DNAH5: variants seen among roughly 807,000 people sequenced by gnomAD.
DNAH5 encodes dynein axonemal heavy chain 5.
In DNAH5, 372 loss-of-function variants were observed where a neutral mutation model predicts 518.2. That is an observed-to-expected ratio of 0.72 (90% CI 0.66 to 0.78). DNAH5 has a LOEUF of 0.78. Ranked by LOEUF, DNAH5 falls within the 30% of genes least tolerant of loss-of-function variation. DNAH5 has a pLI of 0.00. For synonymous variants in DNAH5, 2,039 were observed against 2,025.9 expected, an observed-to-expected ratio of 1.01 and a Z score of -0.17; for missense variants, 5,523 against 5,687.0, an observed-to-expected ratio of 0.97 and a Z score of 0.93.
chr5:13,830,830 T>G, intron 35 of DNAH5, 55 bp from the exon 36 acceptor site: 1 of 1,571,322 alleles, frequency 6.4e-7, no homozygotes, highest in Non-Finnish European at 8.8e-7. Context: ...GAAATACTTC[T>G]GAGACATCAC....
intron 1 of DNAH5, among the ~76,000 whole-genome samples, chr5:13,975,794 C>T (rs1782197304): frequency 6.6e-6 from 1 of 152,186 alleles, no homozygotes; most frequent in Non-Finnish European, 1.5e-5. Flanking sequence ...ATTTCCCAGA[C>T]TCCTGTGCAG....
At position 13,751,167 on chromosome 5, in the gene DNAH5, T is replaced by C. The variant is rs1365013371; in HGVS notation, c.11122A>G (p.Ser3708Gly). 1 of 1,614,002 alleles carries C rather than the reference T, an allele frequency of 6.2e-7. No homozygotes were observed. The highest frequency in any genetic ancestry group is 1.1e-5 in the South Asian group (1 of 91,076). The stretch of plus-strand genomic sequence containing the variant: ...AAGTCAATGATGGAGGTACGGGCAC[T>C]TATCTCAGGGGTGTAGGCTGGGTTA... ...LPNPAYTPEI[S>G]ARTSIIDFTV... Residue 3708 changes from serine to glycine, a missense_variant, in exon 65 of 79, where the codon AGT (serine) becomes GGT (glycine). Ser to Gly is a moderately conservative substitution (Grantham distance 56). Transcript: ENST00000265104.
At position 13,721,251 on chromosome 5, in the gene DNAH5, A is replaced by G. The variant is rs369614763; in HGVS notation, c.12034-6T>C. 1.9e-5 allele frequency: 30 copies of G among 1,613,780 alleles called. No homozygotes were observed. The highest frequency in any genetic ancestry group is 1.4e-4 in the South Asian group (13 of 91,072). Reference sequence around the variant, plus strand: ...TCCACGATGTACTTGCGGGCCTGCCAAAAACAGTATACAAGTCAGTAAAAG... The same window carrying G: ...TCCACGATGTACTTGCGGGCCTGCCGAAAACAGTATACAAGTCAGTAAAAG... On this transcript the variant is annotated splice_polypyrimidine_tract_variant and splice_region_variant and intron_variant, in intron 70 of 78. Coordinates refer to ENST00000265104, the MANE Select transcript of DNAH5 (RefSeq NM_001369.3).
In DNAH5 at chr5:13,814,749, G is replaced by A. The variant is rs566336932; in HGVS notation, c.7086C>T (p.Ala2362=). ...VLDDNKTLTL[A]NGDRIPMAPN... is the part of the protein sequence containing the mutation. ...GAGCCATGGGAATCCGATCACCATT[G>A]GCAAGGGTTAGAGTTTTGTTATCAT... The change falls in exon 43 of 79, where the codon GCC becomes GCT. Residue 2362 remains alanine (A), a synonymous_variant. Coordinates refer to ENST00000265104, the MANE Select transcript of DNAH5 (RefSeq NM_001369.3). The A allele has an allele frequency of 5.0e-6, 8 of 1,614,010 alleles. No homozygotes were observed. In the East Asian group the frequency reaches 1.8e-4, roughly 36 times the overall value.
chr5:13,720,111 CAAA>C (rs70964504), intron 71 of DNAH5, among the ~76,000 whole-genome samples: 57,848 of 128,602 alleles, frequency 0.45, 11,145 homozygotes, highest in South Asian at 0.51. Context: ...GAAAAAACAC[CAAA>C]AAAAAAAAAA....
At chr5:13,716,722 C>G in intron 73 of DNAH5, 32 bp from the exon 74 acceptor site, 1 of 1,456,698 alleles carries the variant, frequency 6.9e-7, no homozygotes, top group Non-Finnish European at 9.6e-7. Context: ...TTATGTAGAA[C>G]TGACTACCGT....
chr5:13,701,318 A>G lies in DNAH5; in HGVS notation c.13457T>C (p.Phe4486Ser). Residue 4486 changes from phenylalanine (F) to serine (S), a missense_variant, in exon 77 of 79, where the codon TTT becomes TCT. This residue lies in a region of DNAH5 where 387 missense variants were observed against 430.0 expected (regional missense o/e 0.90). Coordinates refer to ENST00000265104, the MANE Select transcript of DNAH5 (RefSeq NM_001369.3). ...TGCAGTTAAAAATCCCTGGGGGTTAAAAAAACCCGTCATCCAAAAGCAGTG... is the reference window on the plus strand; with the variant it reads ...TGCAGTTAAAAATCCCTGGGGGTTAGAAAAACCCGTCATCCAAAAGCAGTG... ...RPHCFWMTGF[F>S]NPQGFLTAMR... The G allele has an allele frequency of 6.2e-7, 1 of 1,614,100 alleles. No individual in the cohort carries two copies. The highest frequency in any genetic ancestry group is 8.5e-7 in the Non-Finnish European group (1 of 1,179,992).
chr5:13,982,524 C>T (rs11957020), intron 1 of DNAH5, among the ~76,000 whole-genome samples: 2 of 145,574 alleles, frequency 1.4e-5, no homozygotes, highest in Admixed American at 7.0e-5. Context: ...ATATGCATTA[C>T]TGCATGAGTG....
intron 47 of DNAH5, among the ~76,000 whole-genome samples, chr5:13,803,672 T>G (rs1407853883): frequency 6.6e-6 from 1 of 152,224 alleles, no homozygotes; most frequent in Non-Finnish European, 1.5e-5. Flanking sequence ...TATTATCTCT[T>G]AGGAAACTAG....
In DNAH5 at chr5:13,737,254, G is replaced by A. The variant is rs866852733; in HGVS notation, c.11453C>T (p.Pro3818Leu). The A allele has an allele frequency of 6.2e-7, 1 of 1,613,914 alleles. No individual in the cohort carries two copies. The highest frequency in any genetic ancestry group is 8.5e-7 in the Non-Finnish European group (1 of 1,179,954). The stretch of plus-strand genomic sequence containing the variant: ...TTGTCTTTCATTACCAAACTCACCA[G>A]GTCTGTATTCCTCCCGGGCTGAGTT... ...QINSAREEYR[P>L]VATRGSILYF... The change falls in exon 66 of 79, where the codon CCT (proline) becomes CTT (leucine). Residue 3818 changes from proline to leucine, a missense_variant and splice_region_variant. Pro to Leu is a moderately conservative substitution (Grantham distance 98). This residue lies in a region of DNAH5 where 5,121 missense variants were observed against 5,223.3 expected (regional missense o/e 0.98). Coordinates refer to ENST00000265104, the MANE Select transcript of DNAH5 (RefSeq NM_001369.3).
intron 44 of DNAH5, 51 bp from the exon 45 acceptor site, chr5:13,810,311 G>C: frequency 1.3e-6 from 2 of 1,491,646 alleles, no homozygotes; most frequent in Non-Finnish European, 1.8e-6. Context: ...AAACCCAAAC[G>C]TTGCTCTAGG....
At chr5:13,743,097 TATG>T (rs1748834933) in intron 65 of DNAH5, among the ~76,000 whole-genome samples, 1 of 152,078 alleles carries the variant, frequency 6.6e-6, no homozygotes, top group Non-Finnish European at 1.5e-5. Flanking sequence ...TTCAGATTAA[TATG>T]ATGAGGCAAA....
intron 42 of DNAH5, among the ~76,000 whole-genome samples, chr5:13,815,080 A>C (rs529781574): frequency 1.4e-4 from 21 of 152,360 alleles, no homozygotes; most frequent in African/African-American, 5.0e-4. Context: ...TTGGACAAAT[A>C]TTCATTGAGC....
chr5:13,964,131 A>G (rs1781378129), intron 1 of DNAH5, among the ~76,000 whole-genome samples: 2 of 152,250 alleles, frequency 1.3e-5, no homozygotes, highest in African/African-American at 4.8e-5. Context: ...AGTCCTCAGT[A>G]AAACTGTAAA....
chr5:13,866,387 G>A (rs1274074872), intron 25 of DNAH5, 105 bp from the exon 26 acceptor site: 20 of 892,562 alleles, frequency 2.2e-5, no homozygotes, highest in Non-Finnish European at 3.3e-5. Context: ...TGCATGATAG[G>A]AAACTTCATT....
intron 1 of DNAH5, among the ~76,000 whole-genome samples, chr5:13,931,830 G>A (rs1220326854): frequency 6.6e-6 from 1 of 152,114 alleles, no homozygotes; most frequent in African/African-American, 2.4e-5. Flanking sequence ...TCAAACATAT[G>A]CACACACCTA....
At chr5:13,803,354 A>T (rs376475981) in intron 47 of DNAH5, among the ~76,000 whole-genome samples, 6 of 152,210 alleles carry the variant, frequency 3.9e-5, no homozygotes, top group African/African-American at 1.4e-4. Flanking sequence ...TAAAAAGTAA[A>T]ATATGTCAAA....
chr5:13,907,435 AC>A (rs1168847053), intron 12 of DNAH5, among the ~76,000 whole-genome samples: 1 of 151,958 alleles, frequency 6.6e-6, no homozygotes, highest in Non-Finnish European at 1.5e-5. Flanking sequence ...TCCCCCCGCC[AC>A]CCCCCAAAAA....
At chr5:13,966,032 G>A (rs1781502382) in intron 1 of DNAH5, among the ~76,000 whole-genome samples, 1 of 142,050 alleles carries the variant, frequency 7.0e-6, no homozygotes, top group Non-Finnish European at 1.5e-5. Context: ...TCATTCTTAT[G>A]CCTTTGCATC....
Sources: allele counts gnomAD v4.1 joint callset (sites outside exome capture counted in the v4.1 genomes callset), GRCh38; gene constraint gnomAD v4.1.1; regional missense constraint gnomAD v4.1.1; transcripts MANE v1.5; gene names NCBI Gene and HGNC (gene_info 2026-07-23, HGNC 2026-07-21).